Variants in GPC5 observed in about 807,000 individuals in gnomAD.
GPC5 encodes glypican-5.
GPC5 carries 47 observed loss-of-function variants against 53.9 expected under a neutral mutation model. That is an observed-to-expected ratio of 0.87 (90% CI 0.69 to 1.11). The LOEUF (loss-of-function observed/expected upper bound fraction) is 1.11. Ranked by LOEUF, GPC5 falls within the 50% of genes most tolerant of loss-of-function variation. The probability of loss-of-function intolerance (pLI) is 0.00; values close to 1 mark genes in which losing one functional copy is unlikely to be tolerated. For synonymous variants in GPC5, 286 were observed against 263.3 expected, an observed-to-expected ratio of 1.09 and a Z score of -0.84; for missense variants, 748 against 713.1, an observed-to-expected ratio of 1.05 and a Z score of -0.56.
At chr13:92,413,248 C>T (rs1452065634) in intron 7 of GPC5, among the ~76,000 whole-genome samples, 2 of 152,170 alleles carry the variant, frequency 1.3e-5, no homozygotes, top group African/African-American at 2.4e-5. Flanking sequence ...ATGCATTATA[C>T]TGAGTGTTGT....
At chr13:91,448,341 C>A (rs1880943944) in intron 1 of GPC5, among the ~76,000 whole-genome samples, 1 of 152,094 alleles carries the variant, frequency 6.6e-6, no homozygotes. Flanking sequence ...ATGTGATGTT[C>A]AAAATTCAGT....
chr13:92,089,642 C>T (rs1229713912), intron 6 of GPC5, among the ~76,000 whole-genome samples: 1 of 152,104 alleles, frequency 6.6e-6, no homozygotes, highest in Non-Finnish European at 1.5e-5. Flanking sequence ...ATAAATTCTA[C>T]AGTGTGATAG....
At chr13:92,660,638 C>G (rs1886309350) in intron 7 of GPC5, among the ~76,000 whole-genome samples, 1 of 151,874 alleles carries the variant, frequency 6.6e-6, no homozygotes, top group African/African-American at 2.4e-5. Flanking sequence ...GTAATGATCT[C>G]TCTGCATCTT....
intron 5 of GPC5, among the ~76,000 whole-genome samples, chr13:91,784,727 A>AC (rs2037852016): frequency 2.4e-4 from 1 of 4,096 alleles, no homozygotes; most frequent in East Asian, 0.1. Context: ...TCCATCTCAG[A>AC]AAAAAAAAAA....
intron 2 of GPC5, among the ~76,000 whole-genome samples, chr13:91,602,181 G>A (rs538642973): frequency 1.6e-4 from 24 of 152,320 alleles, no homozygotes; most frequent in South Asian, 6.2e-4. Context: ...GTCCAGCACC[G>A]TTCCGGGCTT....
At chr13:91,674,459 A>G (rs1276138328) in intron 2 of GPC5, among the ~76,000 whole-genome samples, 2 of 150,748 alleles carry the variant, frequency 1.3e-5, no homozygotes, top group Non-Finnish European at 3.0e-5. Flanking sequence ...ATACACACAC[A>G]CACGCACATA....
intron 7 of GPC5, among the ~76,000 whole-genome samples, chr13:92,491,000 A>T (rs911744841): frequency 4.6e-5 from 7 of 152,142 alleles, no homozygotes; most frequent in Admixed American, 1.3e-4. Context: ...ACAGATACCT[A>T]TGGAAACTGA....
intron 7 of GPC5, among the ~76,000 whole-genome samples, chr13:92,371,747 G>T (rs2043651830): frequency 6.6e-6 from 1 of 152,124 alleles, no homozygotes; most frequent in African/African-American, 2.4e-5. Context: ...GGAGGAAAAT[G>T]CCCCCATGAT....
intron 7 of GPC5, among the ~76,000 whole-genome samples, chr13:92,207,918 A>G (rs1282362577): frequency 6.6e-6 from 1 of 152,192 alleles, no homozygotes; most frequent in Non-Finnish European, 1.5e-5. Flanking sequence ...GTTAGGACCA[A>G]TTTGTAGCTC....
At chr13:91,782,893 A>G (rs912467909) in intron 5 of GPC5, among the ~76,000 whole-genome samples, 8 of 151,054 alleles carry the variant, frequency 5.3e-5, no homozygotes, top group Admixed American at 2.0e-4. Context: ...AAAGCATCAC[A>G]CAGATAAAAT....
At chr13:92,305,372 C>T (rs532938566) in intron 7 of GPC5, among the ~76,000 whole-genome samples, 3 of 152,138 alleles carry the variant, frequency 2.0e-5, no homozygotes, top group Admixed American at 1.3e-4. Flanking sequence ...AAATACCTAA[C>T]CTGGCATTAA....
chr13:92,437,555 G>A (rs1877360437), intron 7 of GPC5, among the ~76,000 whole-genome samples: 1 of 152,026 alleles, frequency 6.6e-6, no homozygotes, highest in African/African-American at 2.4e-5. Context: ...AATTCTTATA[G>A]TTGCGTTAAA....
chr13:91,921,080 A>G (rs1391085519), intron 6 of GPC5, among the ~76,000 whole-genome samples: 3 of 151,568 alleles, frequency 2.0e-5, no homozygotes, highest in Non-Finnish European at 4.4e-5. Context: ...GTGATTACAG[A>G]AGTGCACCAT....
intron 7 of GPC5, among the ~76,000 whole-genome samples, chr13:92,327,018 T>G (rs954040278): frequency 1.3e-5 from 2 of 152,124 alleles, no homozygotes; most frequent in African/African-American, 4.8e-5. Flanking sequence ...TGAGCTAATC[T>G]GTTTCAGGGT....
intron 7 of GPC5, among the ~76,000 whole-genome samples, chr13:92,553,528 T>C (rs1024323273): frequency 1.3e-5 from 2 of 151,862 alleles, no homozygotes; most frequent in Admixed American, 6.6e-5. Context: ...TATGGTAATG[T>C]CCCCAGTTTT....
rs570632875 is a variant in GPC5 at position 91,693,092 on chromosome 13, A to T, written c.326-95A>T. ...TGAGAGTTACAATTTAGATACTTAG[A>T]TTAGTTTTGATGAGTCATTTAATGT... On this transcript the variant is annotated intron_variant, in intron 2 of 7. Coordinates refer to ENST00000377067, the MANE Select transcript of GPC5 (RefSeq NM_004466.6). The T allele has an allele frequency of 5.3e-5, 46 of 862,528 alleles. No individual in the cohort carries two copies. The African/African-American group carries it at 7.1e-4, about 13-fold the overall frequency. 53.4% of individuals were successfully genotyped at this position (862,528 alleles called of 1,614,324 possible).
At chr13:92,539,653 G>A (rs533613925) in intron 7 of GPC5, among the ~76,000 whole-genome samples, 3 of 151,418 alleles carry the variant, frequency 2.0e-5, no homozygotes, top group East Asian at 1.9e-4. Flanking sequence ...TTTTCTTTCT[G>A]TCTCTCTTTC....
chr13:92,175,042 G>A (rs1310633056), intron 7 of GPC5, among the ~76,000 whole-genome samples: 6 of 152,230 alleles, frequency 3.9e-5, no homozygotes, highest in Middle Eastern at 3.4e-3. Flanking sequence ...TAGTAGAGAC[G>A]GGGTTTCTCC....
At chr13:91,763,448 G>A (rs555097937) in intron 5 of GPC5, among the ~76,000 whole-genome samples, 4 of 152,220 alleles carry the variant, frequency 2.6e-5, no homozygotes, top group Admixed American at 1.3e-4. Context: ...GTAGATCCAC[G>A]TGCAAAGACC....
Sources: allele counts gnomAD v4.1 joint callset (sites outside exome capture counted in the v4.1 genomes callset), GRCh38; gene constraint gnomAD v4.1.1; transcripts MANE v1.5; gene names NCBI Gene and HGNC (gene_info 2026-07-23, HGNC 2026-07-21).